ELOVL6: variants seen among roughly 807,000 people sequenced by gnomAD.
ELOVL6 encodes ELOVL fatty acid elongase 6.
In ELOVL6, 8 loss-of-function variants were observed where a neutral mutation model predicts 31.7. That is an observed-to-expected ratio of 0.25 (90% CI 0.15 to 0.45). ELOVL6 has a LOEUF of 0.45. Ranked by LOEUF, ELOVL6 falls within the 20% of genes least tolerant of loss-of-function variation. The probability of loss-of-function intolerance (pLI) is 1.00; values close to 1 mark genes in which losing one functional copy is unlikely to be tolerated. For missense variants in ELOVL6, 126 were observed against 326.4 expected (o/e 0.39, Z 4.73); for synonymous variants, 101 against 117.7 (o/e 0.86, Z 0.92).
At chr4:110,164,312 A>T (rs1430257464) in intron 1 of ELOVL6, among the ~76,000 whole-genome samples, 5 of 152,162 alleles carry the variant, frequency 3.3e-5, no homozygotes, top group African/African-American at 1.2e-4. Flanking sequence ...CCCTGATGAC[A>T]AGTTAAGGTG....
intron 2 of ELOVL6, among the ~76,000 whole-genome samples, chr4:110,101,637 T>C (rs1384975860): frequency 1.3e-5 from 2 of 152,212 alleles, no homozygotes; most frequent in African/African-American, 4.8e-5. Context: ...AACCAACCTG[T>C]ACAAATGCTG....
intron 1 of ELOVL6, among the ~76,000 whole-genome samples, chr4:110,191,380 T>C (rs942590328): frequency 6.6e-6 from 1 of 152,130 alleles, no homozygotes; most frequent in East Asian, 1.9e-4. Context: ...GTGGTACAGG[T>C]AACTTTCCCT....
chr4:110,144,221 T>C (rs77317568), intron 1 of ELOVL6, among the ~76,000 whole-genome samples: 17,225 of 152,258 alleles, frequency 0.11, 1,050 homozygotes, highest in Non-Finnish European at 0.12. Context: ...CCATTACCTC[T>C]GAAATAATCC....
At chr4:110,142,597 G>A (rs908592529) in intron 1 of ELOVL6, among the ~76,000 whole-genome samples, 1 of 152,190 alleles carries the variant, frequency 6.6e-6, no homozygotes, top group Non-Finnish European at 1.5e-5. Context: ...CCAGGAAGTT[G>A]AAGTCTCCAA....
At chr4:110,059,832 G>T (rs1236576622) in intron 2 of ELOVL6, 78 bp from the exon 3 acceptor site, 17 of 1,355,442 alleles carry the variant, frequency 1.3e-5, no homozygotes, top group Non-Finnish European at 1.6e-5. Context: ...TTAGAAGACT[G>T]GTTGGCCACT....
intron 1 of ELOVL6, among the ~76,000 whole-genome samples, chr4:110,132,441 C>G (rs932184569): frequency 5.3e-5 from 8 of 151,936 alleles, no homozygotes; most frequent in Admixed American, 3.3e-4. Flanking sequence ...GAGGTCTTGG[C>G]AGCTGATTTA....
chr4:110,079,783 A>C (rs1370206450), intron 2 of ELOVL6, among the ~76,000 whole-genome samples: 1 of 152,246 alleles, frequency 6.6e-6, no homozygotes, highest in African/African-American at 2.4e-5. Flanking sequence ...CCCTTCAAAA[A>C]AAATCAATGA....
At chr4:110,151,073 T>C (rs1408863606) in intron 1 of ELOVL6, among the ~76,000 whole-genome samples, 1 of 152,036 alleles carries the variant, frequency 6.6e-6, no homozygotes, top group Non-Finnish European at 1.5e-5. Context: ...AATATAAACT[T>C]TAACTTTGAA....
chr4:110,155,739 G>A (rs1578265886), intron 1 of ELOVL6, among the ~76,000 whole-genome samples: 1 of 152,092 alleles, frequency 6.6e-6, no homozygotes, highest in African/African-American at 2.4e-5. Context: ...CTTGGGGGCA[G>A]ATCAACAACC....
At chr4:110,198,179 G>A in intron 1 of ELOVL6, 68 bp downstream of exon 1, 1 of 956,182 alleles carries the variant, frequency 1.0e-6, no homozygotes, top group Non-Finnish European at 1.7e-6. Flanking sequence ...AGGGAATACC[G>A]ACATTAAGGC....
At chr4:110,135,747 A>G (rs1757792767) in intron 1 of ELOVL6, among the ~76,000 whole-genome samples, 1 of 152,174 alleles carries the variant, frequency 6.6e-6, no homozygotes. Flanking sequence ...TCCTATTATC[A>G]GCAATGGTCT....
At chr4:110,139,393 G>A (rs985832509) in intron 1 of ELOVL6, among the ~76,000 whole-genome samples, 4 of 152,116 alleles carry the variant, frequency 2.6e-5, no homozygotes, top group Non-Finnish European at 1.5e-5. Flanking sequence ...AGTGACCTCA[G>A]TAACTTTCCT....
At chr4:110,102,269 T>C (rs557494335) in intron 2 of ELOVL6, among the ~76,000 whole-genome samples, 1 of 152,316 alleles carries the variant, frequency 6.6e-6, no homozygotes, top group East Asian at 1.9e-4. Flanking sequence ...AATAACAGAA[T>C]TTTAAATGAA....
chr4:110,115,599 A>T (rs776906851), intron 1 of ELOVL6, among the ~76,000 whole-genome samples: 34 of 152,160 alleles, frequency 2.2e-4, no homozygotes, highest in Non-Finnish European at 4.1e-4. Flanking sequence ...ACTTCCAGAA[A>T]TAATAATAAT....
intron 1 of ELOVL6, among the ~76,000 whole-genome samples, chr4:110,173,239 A>T (rs2126274294): frequency 6.6e-6 from 1 of 152,320 alleles, no homozygotes; most frequent in South Asian, 2.1e-4. Flanking sequence ...CAGGCTGTCA[A>T]GGCACAGAAG....
chr4:110,084,554 ACACACAC>A (rs1756168188), intron 2 of ELOVL6, among the ~76,000 whole-genome samples: 3 of 69,996 alleles, frequency 4.3e-5, no homozygotes, highest in African/African-American at 2.9e-4. Flanking sequence ...ACACACACAC[ACACACAC>A]AGATATATAT....
intron 1 of ELOVL6, chr4:110,117,903 A>AAAAAATATATAT: frequency 6.1e-4 from 4 of 6,506 alleles, no homozygotes; most frequent in African/African-American, 1.3e-3. Context: ...AAAAAAAAAA[A>AAAAAATATATAT]ATATATATAT....
intron 1 of ELOVL6, chr4:110,117,903 A>AAAAATATATATATATATAT: frequency 9.2e-4 from 6 of 6,496 alleles, no homozygotes; most frequent in Admixed American, 3.8e-3. Flanking sequence ...AAAAAAAAAA[A>AAAAATATATATATATATAT]ATATATATAT....
intron 1 of ELOVL6, among the ~76,000 whole-genome samples, chr4:110,142,657 C>G (rs932816899): frequency 6.6e-6 from 1 of 152,180 alleles, no homozygotes; most frequent in East Asian, 1.9e-4. Context: ...GTCCTTCCTC[C>G]TTCAGGTAGA....
Sources: allele counts gnomAD v4.1 joint callset (sites outside exome capture counted in the v4.1 genomes callset), GRCh38; gene constraint gnomAD v4.1.1; transcripts MANE v1.5; gene names NCBI Gene and HGNC (gene_info 2026-07-23, HGNC 2026-07-21).